SSH2: variants seen among roughly 807,000 people sequenced by gnomAD.
SSH2 encodes the protein slingshot protein phosphatase 2.
SSH2 carries 37 observed loss-of-function variants against 135.2 expected under a neutral mutation model. That is an observed-to-expected ratio of 0.27 (90% confidence interval 0.21 to 0.36). The LOEUF (loss-of-function observed/expected upper bound fraction) is 0.36. Among genes scored for constraint, SSH2 ranks in the 10% least tolerant of loss-of-function variants. SSH2 has a pLI of 1.00. For missense variants in SSH2, 1,408 were observed against 1,765.3 expected (o/e 0.80, Z 3.63); for synonymous variants, 628 against 646.2 (o/e 0.97, Z 0.43).
intron 2 of SSH2, among the ~76,000 whole-genome samples, chr17:29,825,423 G>T (rs2042726606): frequency 1.3e-5 from 2 of 152,096 alleles, no homozygotes; most frequent in African/African-American, 4.8e-5. Flanking sequence ...TTAATACATT[G>T]CCTTTGAAGT....
chr17:29,882,937 TA>T (rs1567629022), intron 1 of SSH2: 2 of 152,194 alleles, frequency 1.3e-5, no homozygotes, highest in African/African-American at 4.8e-5. Context: ...GTGTTTTTAT[TA>T]AAGGCATGAG....
intron 11 of SSH2, among the ~76,000 whole-genome samples, chr17:29,656,409 C>T (rs1176841482): frequency 1.3e-5 from 2 of 152,222 alleles, no homozygotes; most frequent in Non-Finnish European, 2.9e-5. Context: ...AACTCCTGAC[C>T]TCGTGATCCA....
chr17:29,677,467 C>T (rs984117247), intron 7 of SSH2, among the ~76,000 whole-genome samples: 5 of 152,120 alleles, frequency 3.3e-5, no homozygotes, highest in South Asian at 2.1e-4. Flanking sequence ...CTACCACAGT[C>T]GGCCTAGAAG....
chr17:29,887,756 C>T (rs1437315400), intron 1 of SSH2, among the ~76,000 whole-genome samples: 1 of 152,124 alleles, frequency 6.6e-6, no homozygotes, highest in Admixed American at 6.5e-5. Flanking sequence ...TTTAAATGGT[C>T]TTCTGCAGTT....
At chr17:29,806,106 G>A (rs1240567244) in intron 2 of SSH2, among the ~76,000 whole-genome samples, 1 of 152,176 alleles carries the variant, frequency 6.6e-6, no homozygotes, top group Non-Finnish European at 1.5e-5. Flanking sequence ...CAAGATGAGT[G>A]CTTAAATATG....
intron 3 of SSH2, among the ~76,000 whole-genome samples, chr17:29,724,791 T>C (rs2039944630): frequency 6.6e-6 from 1 of 150,764 alleles, no homozygotes; most frequent in African/African-American, 2.4e-5. Context: ...GGTTTCACCA[T>C]GTTGCCCAGG....
chr17:29,638,046 A>G (rs1598688275), intron 14 of SSH2, among the ~76,000 whole-genome samples: 1 of 151,926 alleles, frequency 6.6e-6, no homozygotes, highest in East Asian at 1.9e-4. Flanking sequence ...CCCGGGAGGC[A>G]GAGGTTGCAG....
intron 13 of SSH2, among the ~76,000 whole-genome samples, chr17:29,649,620 G>A (rs1420647821): frequency 6.6e-6 from 1 of 152,002 alleles, no homozygotes; most frequent in African/African-American, 2.4e-5. Flanking sequence ...TCCTGGGCTC[G>A]AGTGATCCTC....
intron 1 of SSH2, among the ~76,000 whole-genome samples, chr17:29,902,101 T>C (rs2066568897): frequency 1.3e-5 from 2 of 152,272 alleles, no homozygotes; most frequent in South Asian, 2.1e-4. Context: ...GCTCTCTTTT[T>C]TATAGCAGCT....
At chr17:29,893,473 C>CA (rs2066387767) in intron 1 of SSH2, among the ~76,000 whole-genome samples, 1 of 152,092 alleles carries the variant, frequency 6.6e-6, no homozygotes, top group Non-Finnish European at 1.5e-5. Context: ...TATAACTGTT[C>CA]ACCCGTTTTC....
chr17:29,671,775 T>C (rs1055333491), intron 9 of SSH2, among the ~76,000 whole-genome samples, 160 bp downstream of exon 9: 3 of 152,230 alleles, frequency 2.0e-5, no homozygotes, highest in Admixed American at 1.3e-4. Context: ...ACAGCAAGAA[T>C]AGGATTCTTC....
At chr17:29,918,930 G>A (rs62070268) in intron 1 of SSH2, among the ~76,000 whole-genome samples, 2,529 of 150,978 alleles carry the variant, frequency 0.017, 29 homozygotes, top group Middle Eastern at 0.034. Flanking sequence ...GAACGAGACC[G>A]TCTCAAATAA....
At chr17:29,717,502 G>A (rs978227306) in intron 3 of SSH2, among the ~76,000 whole-genome samples, 7 of 152,216 alleles carry the variant, frequency 4.6e-5, no homozygotes, top group African/African-American at 1.7e-4. Flanking sequence ...GAACACACAT[G>A]TCCATCTAGC....
intron 2 of SSH2, among the ~76,000 whole-genome samples, chr17:29,844,487 C>T (rs561049255): frequency 6.6e-6 from 1 of 152,250 alleles, no homozygotes; most frequent in South Asian, 2.1e-4. Context: ...GCAGTGGGTA[C>T]AGGAGAGGGA....
At chr17:29,680,251 G>A (rs1041342842) in intron 6 of SSH2, among the ~76,000 whole-genome samples, 2 of 152,148 alleles carry the variant, frequency 1.3e-5, no homozygotes, top group Middle Eastern at 3.4e-3. Flanking sequence ...TTGCTGGCCT[G>A]TGCTGCTTAA....
At chr17:29,664,391 A>T (rs1473405004) in intron 11 of SSH2, among the ~76,000 whole-genome samples, 1 of 151,588 alleles carries the variant, frequency 6.6e-6, no homozygotes, top group African/African-American at 2.4e-5. Context: ...AAAAAAAAAG[A>T]TTGGAAGGCA....
intron 3 of SSH2, among the ~76,000 whole-genome samples, chr17:29,755,758 T>C (rs549480733): frequency 6.6e-6 from 1 of 150,550 alleles, no homozygotes. Context: ...GCCTCCTGGG[T>C]TCACGCCATT....
At chr17:29,753,707 T>C (rs559966835) in intron 3 of SSH2, among the ~76,000 whole-genome samples, 1 of 151,024 alleles carries the variant, frequency 6.6e-6, no homozygotes, top group Non-Finnish European at 1.5e-5. Flanking sequence ...GAGGCAGAAT[T>C]GCTTGAACCT....
chr17:29,844,490 G>C (rs2043097654), intron 2 of SSH2, among the ~76,000 whole-genome samples: 1 of 152,190 alleles, frequency 6.6e-6, no homozygotes. Flanking sequence ...GTGGGTACAG[G>C]AGAGGGAAAT....
Sources: allele counts gnomAD v4.1 joint callset (sites outside exome capture counted in the v4.1 genomes callset), GRCh38; gene constraint gnomAD v4.1.1; transcripts MANE v1.5; gene names NCBI Gene and HGNC (gene_info 2026-07-23, HGNC 2026-07-21).